MACROD2: variants seen among roughly 807,000 people sequenced by gnomAD.
MACROD2 encodes mono-ADP ribosylhydrolase 2.
Under a neutral mutation model 70.4 loss-of-function variants are expected in MACROD2, and 36 were observed. The observed-to-expected ratio is 0.51, with a 90% CI of 0.39 to 0.68. The LOEUF (loss-of-function observed/expected upper bound fraction) is 0.68. MACROD2 is among the 30% of genes least tolerant of loss of function. The pLI, the probability that MACROD2 is intolerant of heterozygous loss-of-function variation, is 0.00. For missense variants in MACROD2, 496 were observed against 538.4 expected (o/e 0.92, Z 0.78); for synonymous variants, 172 against 178.8 (o/e 0.96, Z 0.30).
intron 7 of MACROD2, among the ~76,000 whole-genome samples, chr20:15,467,476 G>A (rs944078618): frequency 1.4e-4 from 21 of 152,272 alleles, no homozygotes; most frequent in African/African-American, 4.6e-4. Context: ...TCTCCAAGGC[G>A]AAACATTGCA....
chr20:14,060,683 A>G (rs1252138687), intron 2 of MACROD2, among the ~76,000 whole-genome samples: 4 of 152,282 alleles, frequency 2.6e-5, no homozygotes, highest in Admixed American at 2.6e-4. Context: ...GTGCCAGTCC[A>G]CTTATGCTAT....
intron 4 of MACROD2, among the ~76,000 whole-genome samples, chr20:14,569,285 G>A (rs577854376): frequency 6.6e-6 from 1 of 151,824 alleles, no homozygotes; most frequent in South Asian, 2.1e-4. Flanking sequence ...GAATAATATC[G>A]TTAGCTCACC....
intron 8 of MACROD2, among the ~76,000 whole-genome samples, chr20:15,683,580 T>C (rs1018449534): frequency 2.6e-5 from 4 of 152,088 alleles, no homozygotes; most frequent in African/African-American, 9.7e-5. Flanking sequence ...GGTTGTTTTT[T>C]TGTTTGTTTG....
intron 3 of MACROD2, among the ~76,000 whole-genome samples, chr20:14,206,171 A>G (rs1224894122): frequency 2.0e-5 from 3 of 152,240 alleles, no homozygotes; most frequent in Non-Finnish European, 4.4e-5. Context: ...GTATCTTACA[A>G]TACATAGGAT....
At chr20:14,964,767 A>G (rs1480459960) in intron 5 of MACROD2, among the ~76,000 whole-genome samples, 2 of 152,122 alleles carry the variant, frequency 1.3e-5, no homozygotes, top group Non-Finnish European at 2.9e-5. Context: ...CCACTGTGCT[A>G]TACTTTAGTG....
chr20:14,825,774 T>A (rs530621969), intron 5 of MACROD2, among the ~76,000 whole-genome samples: 1 of 152,168 alleles, frequency 6.6e-6, no homozygotes, highest in Non-Finnish European at 1.5e-5. Flanking sequence ...ACATTTTAAA[T>A]TCTTGCTCAT....
chr20:15,062,742 C>A (rs1271079881), intron 5 of MACROD2, among the ~76,000 whole-genome samples: 4 of 152,182 alleles, frequency 2.6e-5, no homozygotes, highest in Non-Finnish European at 5.9e-5. Context: ...AGATCAAGTT[C>A]TTGACCTCAC....
At chr20:15,187,779 C>T (rs371519702) in intron 5 of MACROD2, among the ~76,000 whole-genome samples, 8 of 152,136 alleles carry the variant, frequency 5.3e-5, no homozygotes, top group African/African-American at 1.7e-4. Flanking sequence ...TCATAATCTC[C>T]AAGCCTGCTA....
At chr20:14,154,634 G>A (rs1054582550) in intron 3 of MACROD2, among the ~76,000 whole-genome samples, 2 of 143,592 alleles carry the variant, frequency 1.4e-5, no homozygotes, top group African/African-American at 2.6e-5. Context: ...GGATGGTCTC[G>A]ACCTCTTGAC....
chr20:15,088,922 G>A (rs543193682), intron 5 of MACROD2, among the ~76,000 whole-genome samples: 4 of 151,988 alleles, frequency 2.6e-5, no homozygotes, highest in African/African-American at 9.6e-5. Context: ...ATTAATGACT[G>A]TTATTTTACA....
intron 5 of MACROD2, among the ~76,000 whole-genome samples, chr20:15,181,615 G>T (rs1006633774): frequency 6.6e-6 from 1 of 151,920 alleles, no homozygotes; most frequent in Non-Finnish European, 1.5e-5. Flanking sequence ...TTCTAAGACC[G>T]GCCCGTTAGA....
intron 5 of MACROD2, among the ~76,000 whole-genome samples, chr20:14,832,130 C>T (rs971909566): frequency 8.9e-5 from 13 of 145,890 alleles, no homozygotes; most frequent in South Asian, 8.9e-4. Context: ...GCAAGCTCTG[C>T]CTCCCGGGTT....
rs1312226727 is a variant in MACROD2 at position 15,233,983 on chromosome 20, TTATATATATA to T, written c.540+3940_540+3949del. Reference sequence around the variant, plus strand: ...AAAATTTATTTTTATATATATTTATTTATATATATATATATATATATATATATTCTTTTTT... The same window carrying T: ...AAAATTTATTTTTATATATATTTATTTATATATATATATATATTCTTTTTT... On this transcript the variant is annotated intron_variant, in intron 6 of 17. Coordinates refer to ENST00000684519, the MANE Select transcript of MACROD2 (RefSeq NM_001351661.2). 4.0e-3 allele frequency among the ~76,000 whole-genome samples: 176 copies of T among 43,960 alleles called. 1 individual carries two copies. The highest frequency in any genetic ancestry group is 0.014 in the African/African-American group (152 of 11,038). The allele number at this position is 43,960 out of a possible 152,430, so 28.8% of individuals were successfully genotyped here. A position where few individuals can be genotyped will look rare whatever the true frequency, so the allele number is the denominator to read the frequency against.
chr20:14,722,676 C>T (rs2071483555), intron 5 of MACROD2, among the ~76,000 whole-genome samples: 1 of 152,092 alleles, frequency 6.6e-6, no homozygotes, highest in African/African-American at 2.4e-5. Flanking sequence ...TCTCATCAAT[C>T]CTAAGTTTTA....
chr20:15,147,838 G>T (rs2076241822), intron 5 of MACROD2, among the ~76,000 whole-genome samples: 1 of 152,064 alleles, frequency 6.6e-6, no homozygotes, highest in Non-Finnish European at 1.5e-5. Flanking sequence ...TAGGATTTGG[G>T]TAGGTAAAGG....
At chr20:14,941,558 C>T (rs2092531046) in intron 5 of MACROD2, among the ~76,000 whole-genome samples, 1 of 152,104 alleles carries the variant, frequency 6.6e-6, no homozygotes, top group South Asian at 2.1e-4. Context: ...AAGTCCAATT[C>T]TCTTACTGTC....
chr20:14,991,988 C>T (rs941169427), intron 5 of MACROD2, among the ~76,000 whole-genome samples: 3 of 152,264 alleles, frequency 2.0e-5, no homozygotes, highest in African/African-American at 7.2e-5. Context: ...CAGTATTAAG[C>T]ACTTGTCATA....
chr20:14,805,698 G>C (rs748254184), intron 5 of MACROD2, among the ~76,000 whole-genome samples: 3 of 151,938 alleles, frequency 2.0e-5, no homozygotes, highest in African/African-American at 7.3e-5. Flanking sequence ...AGCCATAGTG[G>C]GTGAACAAAG....
intron 5 of MACROD2, among the ~76,000 whole-genome samples, chr20:15,121,849 C>A (rs543471554): frequency 2.0e-5 from 3 of 152,050 alleles, no homozygotes; most frequent in Non-Finnish European, 4.4e-5. Flanking sequence ...ATGATGACTT[C>A]AAAAGATGAT....
Sources: gnomAD v4.1 joint callset for allele counts (sites outside exome capture counted in the v4.1 genomes callset) on GRCh38, gnomAD v4.1.1 for gene constraint, MANE v1.5 for transcripts, NCBI Gene and HGNC (gene_info 2026-07-23, HGNC 2026-07-21) for gene names.